Variants in HTR7 observed in about 807,000 individuals in gnomAD.
HTR7 encodes 5-hydroxytryptamine receptor 7.
HTR7 carries 16 observed loss-of-function variants against 34.0 expected under a neutral mutation model. The observed-to-expected ratio is 0.47, with a 90% confidence interval of 0.32 to 0.71. The LOEUF (loss-of-function observed/expected upper bound fraction) is 0.71, where lower values mean the gene tolerates loss of function less well. HTR7 is among the 30% of genes least tolerant of loss of function. The pLI is 0.04. For missense variants in HTR7, 504 were observed against 625.5 expected (o/e 0.81, Z 2.07); for synonymous variants, 265 against 260.2 (o/e 1.02, Z -0.18).
chr10:90,850,254 T>C (rs1328937523), intron 1 of HTR7, among the ~76,000 whole-genome samples: 1 of 152,244 alleles, frequency 6.6e-6, no homozygotes, highest in Non-Finnish European at 1.5e-5. Flanking sequence ...ACATTTAAAG[T>C]TCTGAACTAG....
chr10:90,778,128 TG>T (rs1845248506), intron 1 of HTR7, among the ~76,000 whole-genome samples: 1 of 152,228 alleles, frequency 6.6e-6, no homozygotes, highest in Non-Finnish European at 1.5e-5. Flanking sequence ...AGTAGACCAC[TG>T]GACATAATGA....
chr10:90,843,276 A>C (rs1023697114), intron 1 of HTR7, among the ~76,000 whole-genome samples: 1 of 152,228 alleles, frequency 6.6e-6, no homozygotes, highest in African/African-American at 2.4e-5. Flanking sequence ...ACAGGCTGGC[A>C]ATACAGTCTT....
intron 1 of HTR7, among the ~76,000 whole-genome samples, chr10:90,770,840 C>T (rs576934401): frequency 6.6e-6 from 1 of 152,298 alleles, no homozygotes; most frequent in Non-Finnish European, 1.5e-5. Context: ...CCCAGTGAGG[C>T]CCCACCTTCG....
intron 1 of HTR7, among the ~76,000 whole-genome samples, chr10:90,759,397 T>C (rs968141502): frequency 6.6e-6 from 1 of 151,858 alleles, no homozygotes; most frequent in African/African-American, 2.4e-5. Context: ...GGCTCACGCC[T>C]GTAATCCCAG....
Position 90,749,432 on chromosome 10 carries a change from G to A in HTR7, c.702C>T (p.Ser234=), listed in dbSNP as rs1480686412. The stretch of plus-strand genomic sequence containing the variant: ...AGTAAATCGTATAGCCAAAGTCCTG[G>A]CTGATCAAGCACACCTTATCATCAT... ...NVNDDKVCLI[S]QDFGYTIYST... Residue 234 remains serine, a synonymous_variant, in exon 2 of 4, where the codon AGC becomes AGT. Coordinates refer to ENST00000336152, the MANE Select transcript of HTR7 (RefSeq NM_019859.4). The surrounding 1 kb of genome is among the most constrained non-coding windows in gnomAD (Gnocchi z 4.2). The A allele has an allele frequency of 6.2e-7, 1 of 1,614,152 alleles. No homozygotes were observed.
intron 1 of HTR7, among the ~76,000 whole-genome samples, chr10:90,805,998 T>A (rs1286523733): frequency 6.6e-6 from 1 of 152,194 alleles, no homozygotes; most frequent in Non-Finnish European, 1.5e-5. Flanking sequence ...TTAGGGTTAC[T>A]TAGTTAGAAT....
In HTR7 at chr10:90,825,297, T is replaced by G. The variant is rs553360990; in HGVS notation, c.539+31836A>C. 2.6e-5 allele frequency among the ~76,000 whole-genome samples: 4 copies of G among 152,290 alleles called. No homozygotes were observed. In the East Asian group the frequency reaches 7.7e-4, roughly 29 times the overall value. On this transcript the variant is annotated intron_variant, in intron 1 of 3. Coordinates refer to ENST00000336152, the MANE Select transcript of HTR7 (RefSeq NM_019859.4). The stretch of plus-strand genomic sequence containing the variant: ...CTTATACCTCTACAAGGCTGCCGCC[T>G]AATGCAGACATGGCGGCAGTGACCA...
In HTR7 at chr10:90,742,297, A is replaced by C. The variant is rs1844564218; in HGVS notation, c.*185T>G. On this transcript the variant is annotated 3_prime_UTR_variant, in exon 4 of 4. Coordinates refer to ENST00000336152, the MANE Select transcript of HTR7 (RefSeq NM_019859.4). Reference sequence around the variant, plus strand: ...AGAACACACAATAGCACTGATCCACAGAAAAAAGGAGAAGTCACCATCTCC... The same window carrying C: ...AGAACACACAATAGCACTGATCCACCGAAAAAAGGAGAAGTCACCATCTCC... The C allele has an allele frequency of 2.0e-6, 1 of 507,806 alleles. No homozygotes were observed. The allele number at this position is 507,806 out of a possible 1,614,324, so 31.5% of individuals were successfully genotyped here. A position where few individuals can be genotyped will look rare whatever the true frequency, so the allele number is the denominator to read the frequency against.
intron 1 of HTR7, among the ~76,000 whole-genome samples, chr10:90,785,833 G>A (rs182952521): frequency 6.6e-6 from 1 of 152,258 alleles, no homozygotes; most frequent in East Asian, 1.9e-4. Flanking sequence ...CAAGAATTGG[G>A]CCAAGAATAC....
intron 1 of HTR7, among the ~76,000 whole-genome samples, chr10:90,816,539 T>C (rs1342205027): frequency 1.3e-5 from 2 of 152,246 alleles, no homozygotes; most frequent in African/African-American, 4.8e-5. Flanking sequence ...TTCTTCATGA[T>C]GTTTTTAGTT....
intron 1 of HTR7, among the ~76,000 whole-genome samples, chr10:90,805,015 C>G (rs780970530): frequency 1.3e-5 from 2 of 152,172 alleles, no homozygotes; most frequent in Non-Finnish European, 2.9e-5. Flanking sequence ...AGATGCCTCT[C>G]AGGTCTAAAA....
At chr10:90,827,131 G>A (rs1199957443) in intron 1 of HTR7, among the ~76,000 whole-genome samples, 1 of 151,684 alleles carries the variant, frequency 6.6e-6, no homozygotes, top group Non-Finnish European at 1.5e-5. Context: ...AAGACAGAAA[G>A]GAAGGAAAGA....
At chr10:90,834,064 C>T (rs1320215804) in intron 1 of HTR7, among the ~76,000 whole-genome samples, 4 of 152,018 alleles carry the variant, frequency 2.6e-5, no homozygotes, top group African/African-American at 7.3e-5. Context: ...AAAGAGAATG[C>T]GAAAACAGAA....
chr10:90,788,876 G>A lies in HTR7; in HGVS notation c.540-39282C>T, dbSNP rs145862185. Among the ~76,000 whole-genome samples the A allele has an allele frequency of 3.2e-3, 487 of 152,252 alleles. 5 individuals are homozygous for A. The highest frequency in any genetic ancestry group is 0.011 in the African/African-American group (466 of 41,540). On this transcript the variant is annotated intron_variant, in intron 1 of 3. Coordinates refer to ENST00000336152, the MANE Select transcript of HTR7 (RefSeq NM_019859.4). Reference sequence around the variant, plus strand: ...GGCCAAAGTGGAGAAGACAGAAAGTGTCTGCACTTCTAGTCCCCACTTCAT... The same window carrying A: ...GGCCAAAGTGGAGAAGACAGAAAGTATCTGCACTTCTAGTCCCCACTTCAT...
intron 2 of HTR7, 147 bp downstream of exon 2, chr10:90,748,692 G>T: frequency 1.2e-6 from 1 of 850,904 alleles, no homozygotes; most frequent in South Asian, 2.4e-5. Flanking sequence ...GTGGAAGACT[G>T]GAGTCTATAC....
At chr10:90,758,983 T>G (rs2119711992) in intron 1 of HTR7, among the ~76,000 whole-genome samples, 1 of 148,406 alleles carries the variant, frequency 6.7e-6, no homozygotes, top group African/African-American at 2.5e-5. Context: ...AGGTCGGGAG[T>G]TGGAGACCAG....
At chr10:90,816,785 C>T (rs1160747510) in intron 1 of HTR7, among the ~76,000 whole-genome samples, 1 of 152,204 alleles carries the variant, frequency 6.6e-6, no homozygotes, top group African/African-American at 2.4e-5. Flanking sequence ...CAAGCACCCT[C>T]CCTCTAAGCC....
At chr10:90,791,044 C>T (rs114268482) in intron 1 of HTR7, among the ~76,000 whole-genome samples, 2,468 of 152,120 alleles carry the variant, frequency 0.016, 83 homozygotes, top group African/African-American at 0.055. Context: ...TCATCTCTTC[C>T]ATATATTTTT....
chr10:90,824,244 A>C (rs1410146426), intron 1 of HTR7, among the ~76,000 whole-genome samples: 2 of 152,272 alleles, frequency 1.3e-5, no homozygotes, highest in Admixed American at 6.5e-5. Flanking sequence ...CCTAGTGCCC[A>C]GATGACATTT....
Sources: gnomAD v4.1 joint callset for allele counts (sites outside exome capture counted in the v4.1 genomes callset) on GRCh38, gnomAD v4.1.1 for gene constraint, Gnocchi (gnomAD v3.1) non-coding constraint, MANE v1.5 for transcripts, NCBI Gene and HGNC (gene_info 2026-07-23, HGNC 2026-07-21) for gene names.